The following UNC13C variants were observed in gnomAD, a reference collection of about 807,000 sequenced individuals.
UNC13C encodes protein unc-13 homolog C.
A neutral mutation model predicts 245.4 loss-of-function variants in UNC13C; 174 were observed. That is an observed-to-expected ratio of 0.71 (90% CI 0.63 to 0.80). The LOEUF (loss-of-function observed/expected upper bound fraction) is 0.80, where lower values mean the gene tolerates loss of function less well. Among genes scored for constraint, UNC13C ranks in the 30% least tolerant of loss-of-function variants. The pLI is 0.00. For missense variants in UNC13C, 2,829 were observed against 2,602.9 expected (o/e 1.09, Z -1.89); for synonymous variants, 992 against 895.1 (o/e 1.11, Z -1.93).
chr15:54,236,500 T>G, intron 6 of UNC13C, 65 bp downstream of exon 6: 1 of 1,290,914 alleles, frequency 7.7e-7, no homozygotes, highest in Non-Finnish European at 1.1e-6. Flanking sequence ...CTGCACTTAC[T>G]CATGGGGTAA....
Position 54,132,078 on chromosome 15 carries a change from T to TTTTCTTTTTTC in UNC13C, c.2984-10937_2984-10936insCTTTTTTCTTT, listed in dbSNP as rs1167807949. Among the ~76,000 whole-genome samples, 2 of 147,236 alleles carry TTTTCTTTTTTC rather than the reference T, an allele frequency of 1.4e-5. 1 individual carries two copies. Among genetic ancestry groups the TTTTCTTTTTTC allele is most frequent in the Non-Finnish European group, 3.0e-5 (2 of 67,198 alleles). ...CAATTCAGTTTTTTTCTTTTTCTTT[T>TTTTCTTTTTTC]TTTTTTTTGACAGCGTCTTGCTCTG... On this transcript the variant is annotated intron_variant, in intron 2 of 32. Coordinates refer to ENST00000260323, the MANE Select transcript of UNC13C (RefSeq NM_001080534.3).
Position 54,203,759 on chromosome 15 carries a change from T to C in UNC13C, c.3072-31271T>C, listed in dbSNP as rs375988739. On this transcript the variant is annotated intron_variant, in intron 4 of 32. Coordinates refer to ENST00000260323, the MANE Select transcript of UNC13C (RefSeq NM_001080534.3). ...ATACATATATATGTATATATACACATATATATGTATATATACACACACATA... is the reference window on the plus strand; with the variant it reads ...ATACATATATATGTATATATACACACATATATGTATATATACACACACATA... Among the ~76,000 whole-genome samples, 8 of 106,782 alleles carry C rather than the reference T, an allele frequency of 7.5e-5. No individual in the cohort carries two copies. In the East Asian group the frequency reaches 9.3e-4, roughly 12 times the overall value. 70.1% of individuals were successfully genotyped at this position (106,782 alleles called of 152,430 possible). A position where few individuals can be genotyped will look rare whatever the true frequency, so the allele number is the denominator to read the frequency against.
At chr15:54,266,906 G>C (rs74013573) in intron 10 of UNC13C, among the ~76,000 whole-genome samples, 2 of 151,984 alleles carry the variant, frequency 1.3e-5, no homozygotes, top group Admixed American at 6.6e-5. Flanking sequence ...GAACAATATG[G>C]CATGTAATGC....
intron 19 of UNC13C, among the ~76,000 whole-genome samples, chr15:54,483,992 T>A (rs1037771521): frequency 6.6e-6 from 1 of 152,038 alleles, no homozygotes; most frequent in Non-Finnish European, 1.5e-5. Context: ...TGGCTAGTTA[T>A]CTTCTGGAAG....
chr15:54,549,498 G>A (rs10468008), intron 27 of UNC13C, 137 bp from the exon 28 acceptor site: 234,731 of 638,262 alleles, frequency 0.37, 45,538 homozygotes, highest in East Asian at 0.55. Context: ...CTTTATAATA[G>A]ACCAATTAAG....
chr15:54,294,867 T>C (rs1567166640), intron 11 of UNC13C, among the ~76,000 whole-genome samples: 1 of 152,114 alleles, frequency 6.6e-6, no homozygotes, highest in Non-Finnish European at 1.5e-5. Flanking sequence ...TGTTAACAAA[T>C]TAAAAAGTGC....
chr15:54,064,164 A>G (rs965871124), intron 2 of UNC13C, among the ~76,000 whole-genome samples: 14 of 152,092 alleles, frequency 9.2e-5, no homozygotes, highest in African/African-American at 3.1e-4. Flanking sequence ...TACTTAACCT[A>G]TAAAGGTCAA....
At chr15:54,459,019 AT>A (rs1219011062) in intron 19 of UNC13C, among the ~76,000 whole-genome samples, 1 of 151,918 alleles carries the variant, frequency 6.6e-6, no homozygotes, top group African/African-American at 2.4e-5. Context: ...AAGAGATTCT[AT>A]TTTGGTGTAT....
intron 4 of UNC13C, among the ~76,000 whole-genome samples, chr15:54,147,378 C>T (rs1042272032): frequency 2.6e-5 from 4 of 152,016 alleles, no homozygotes; most frequent in Admixed American, 2.6e-4. Flanking sequence ...CTCCACCACG[C>T]CCGGCCATTT....
chr15:54,424,603 C>T (rs957167998), intron 19 of UNC13C, among the ~76,000 whole-genome samples: 31 of 151,838 alleles, frequency 2.0e-4, no homozygotes, highest in African/African-American at 6.5e-4. Flanking sequence ...ATAACATTCA[C>T]ATGTGTGTTA....
intron 2 of UNC13C, among the ~76,000 whole-genome samples, chr15:54,141,768 T>C (rs1242345395): frequency 6.6e-6 from 1 of 152,142 alleles, no homozygotes; most frequent in Non-Finnish European, 1.5e-5. Flanking sequence ...AAATAAGATT[T>C]ATCTTTTATT....
intron 17 of UNC13C, among the ~76,000 whole-genome samples, chr15:54,339,353 C>T (rs997554211): frequency 6.6e-6 from 1 of 152,000 alleles, no homozygotes; most frequent in African/African-American, 2.4e-5. Flanking sequence ...TCTGAGATTT[C>T]GGTGCACCCA....
chr15:53,977,691 G>C (rs1893754862), upstream of UNC13C, among the ~76,000 whole-genome samples: 1 of 152,132 alleles, frequency 6.6e-6, no homozygotes. Context: ...GAGGATTAGA[G>C]GATTGAAAAT....
intron 26 of UNC13C, among the ~76,000 whole-genome samples, chr15:54,535,491 A>T (rs1895947960): frequency 6.6e-6 from 1 of 152,132 alleles, no homozygotes. Flanking sequence ...ACACTTGACC[A>T]AAAGGATCTA....
chr15:54,125,459 T>C (rs1295365961), intron 2 of UNC13C, among the ~76,000 whole-genome samples: 1 of 152,156 alleles, frequency 6.6e-6, no homozygotes, highest in Non-Finnish European at 1.5e-5. Flanking sequence ...TGAGATTCCA[T>C]CTAAAAAGAT....
In UNC13C at chr15:54,338,385, A is replaced by G. The variant is rs990675812; in HGVS notation, c.4609A>G (p.Lys1537Glu). ...MKVLELQSPP[K>E]ASMVVKDCVR... ...GGTTCTGGAGCTGCAAAGCCCCCCA[A>G]AAGCGAGCATGGTGGTGAAGGACTG... The change falls in exon 17 of 33, where the codon AAA becomes GAA. Residue 1537 changes from lysine (K) to glutamate (E), a missense_variant. By Grantham distance (56) the Lys-to-Glu change is moderately conservative (BLOSUM62 1). Transcript: ENST00000260323. The G allele has an allele frequency of 1.2e-5, 19 of 1,613,002 alleles. No individual in the cohort carries two copies. Among genetic ancestry groups the G allele is most frequent in the Middle Eastern group, 3.3e-4 (2 of 6,060 alleles).
chr15:54,148,249 C>T (rs909886447), intron 4 of UNC13C, among the ~76,000 whole-genome samples: 2 of 152,146 alleles, frequency 1.3e-5, no homozygotes, highest in Non-Finnish European at 1.5e-5. Flanking sequence ...GAAACGTATG[C>T]TGAGATTTCC....
intron 19 of UNC13C, among the ~76,000 whole-genome samples, chr15:54,481,504 C>G (rs947400595): frequency 6.6e-6 from 1 of 152,082 alleles, no homozygotes; most frequent in Non-Finnish European, 1.5e-5. Context: ...TACCTGCAGT[C>G]GGCAGGTGGG....
Position 54,015,410 on chromosome 15 carries a change from T to G in UNC13C, c.2507T>G (p.Leu836Ter), listed in dbSNP as rs767389106. ...GSSLMGRFRT[L>*]SQSTANESST... ...TCATTAATGGGGAGATTTCGGACAT[T>G]ATCTCAATCAACTGCAAATGAGTCA... The change falls in exon 2 of 33, where the codon TTA becomes TGA. Residue 836 changes from leucine to a stop codon, truncating the protein, a stop_gained. Coordinates refer to ENST00000260323, the MANE Select transcript of UNC13C (RefSeq NM_001080534.3). LOFTEE classifies it high-confidence loss of function. 1 of 1,613,682 alleles carries G rather than the reference T, an allele frequency of 6.2e-7. No individual in the cohort carries two copies. The highest frequency in any genetic ancestry group is 1.1e-5 in the South Asian group (1 of 91,072).
Sources: gnomAD v4.1 joint callset for allele counts (sites outside exome capture counted in the v4.1 genomes callset) on GRCh38, gnomAD v4.1.1 for gene constraint, MANE v1.5 for transcripts, NCBI Gene and HGNC (gene_info 2026-07-23, HGNC 2026-07-21) for gene names.